Variants in KHDRBS3 observed in about 807,000 individuals in gnomAD.
The protein encoded by KHDRBS3 is KH RNA binding domain containing, signal transduction associated 3.
In KHDRBS3, 23 loss-of-function variants were observed where a neutral mutation model predicts 45.6. That is an observed-to-expected ratio of 0.50 (90% confidence interval 0.36 to 0.72). The LOEUF is 0.72. Ranked by LOEUF, KHDRBS3 falls within the 30% of genes least tolerant of loss-of-function variation. KHDRBS3 has a pLI of 0.00. For missense variants in KHDRBS3, 352 were observed against 424.8 expected (o/e 0.83, Z 1.51); for synonymous variants, 162 against 156.5 (o/e 1.04, Z -0.26).
chr8:135,621,707 A>C (rs1304556217), intron 7 of KHDRBS3, among the ~76,000 whole-genome samples: 8 of 150,058 alleles, frequency 5.3e-5, no homozygotes, highest in African/African-American at 7.3e-5. Context: ...AAGAGCACAA[A>C]AAAAAAAAAA....
intron 6 of KHDRBS3, among the ~76,000 whole-genome samples, chr8:135,606,495 A>C (rs774863423): frequency 2.0e-5 from 3 of 152,122 alleles, no homozygotes; most frequent in Non-Finnish European, 4.4e-5. Flanking sequence ...GTTCTCTAGG[A>C]ATGGCGTTTT....
chr8:135,480,622 GA>G, intron 1 of KHDRBS3, among the ~76,000 whole-genome samples: 1 of 151,552 alleles, frequency 6.6e-6, no homozygotes, highest in Admixed American at 6.6e-5. Context: ...GCTTATTATA[GA>G]AAAAAAGTGG....
At chr8:135,475,014 G>A (rs572189636) in intron 1 of KHDRBS3, among the ~76,000 whole-genome samples, 13 of 152,246 alleles carry the variant, frequency 8.5e-5, no homozygotes, top group East Asian at 3.9e-4. Flanking sequence ...GAATGTTTTC[G>A]CTCTGCCATT....
intron 7 of KHDRBS3, among the ~76,000 whole-genome samples, chr8:135,608,180 G>A (rs1829551491): frequency 6.6e-6 from 1 of 152,114 alleles, no homozygotes. Flanking sequence ...TGAAGAAAAG[G>A]AGCACAAAAT....
intron 1 of KHDRBS3, among the ~76,000 whole-genome samples, chr8:135,518,177 T>C (rs1035312662): frequency 9.9e-5 from 15 of 151,912 alleles, no homozygotes; most frequent in African/African-American, 3.4e-4. Flanking sequence ...TTTTTTGTTG[T>C]TGTTGTTGTT....
chr8:135,466,103 G>A (rs1821684317), intron 1 of KHDRBS3, among the ~76,000 whole-genome samples: 1 of 152,142 alleles, frequency 6.6e-6, no homozygotes, highest in Admixed American at 6.5e-5. Context: ...AGCTATTTCT[G>A]AACTGAGTCT....
At chr8:135,496,731 G>A (rs1368246353) in intron 1 of KHDRBS3, among the ~76,000 whole-genome samples, 3 of 152,188 alleles carry the variant, frequency 2.0e-5, no homozygotes, top group African/African-American at 7.2e-5. Context: ...GTTTAAAACA[G>A]TGTGGTGTTA....
intron 1 of KHDRBS3, among the ~76,000 whole-genome samples, chr8:135,474,489 A>C (rs1393682850): frequency 6.6e-6 from 1 of 152,202 alleles, no homozygotes; most frequent in Non-Finnish European, 1.5e-5. Context: ...GCTATGCGTT[A>C]TCTCTTATTT....
chr8:135,487,411 C>A (rs754709765), intron 1 of KHDRBS3, among the ~76,000 whole-genome samples: 1 of 152,034 alleles, frequency 6.6e-6, no homozygotes, highest in African/African-American at 2.4e-5. Context: ...TATTAAATAC[C>A]TACTATAGCA....
chr8:135,605,007 A>T (rs1829393774), intron 6 of KHDRBS3, among the ~76,000 whole-genome samples: 1 of 151,530 alleles, frequency 6.6e-6, no homozygotes, highest in South Asian at 2.1e-4. Flanking sequence ...ATCAGCTGCT[A>T]ATATTATAAA....
chr8:135,500,320 A>G (rs916807032), intron 1 of KHDRBS3, among the ~76,000 whole-genome samples: 1 of 152,036 alleles, frequency 6.6e-6, no homozygotes, highest in African/African-American at 2.4e-5. Context: ...ACTGTGCTTC[A>G]TATTGTGTCT....
chr8:135,619,378 A>G (rs953147209), intron 7 of KHDRBS3, among the ~76,000 whole-genome samples: 1 of 152,150 alleles, frequency 6.6e-6, no homozygotes, highest in Admixed American at 6.5e-5. Flanking sequence ...TAAAAAATAC[A>G]TGTAGGTATA....
chr8:135,470,199 A>T (rs951925241), intron 1 of KHDRBS3, among the ~76,000 whole-genome samples: 2 of 152,156 alleles, frequency 1.3e-5, no homozygotes, highest in Non-Finnish European at 2.9e-5. Context: ...TCTGTGGAGC[A>T]TCCTGGCGTG....
rs1205832079 is a variant in KHDRBS3, at chr8:135,483,078, TC to T, written c.88+25125del. On this transcript the variant is annotated intron_variant, in intron 1 of 8. Transcript: ENST00000355849. ...TTTTGTTTCTCAGCATTTCTAGACA[TC>T]AAATATCTTTCTCCACCCCCCAACC... 2.0e-5 allele frequency among the ~76,000 whole-genome samples: 3 copies of T among 152,164 alleles called. No homozygotes were observed. The East Asian group carries it at 5.8e-4, about 29-fold the overall frequency.
At chr8:135,545,748 G>A (rs927480635) in intron 3 of KHDRBS3, among the ~76,000 whole-genome samples, 4 of 152,194 alleles carry the variant, frequency 2.6e-5, no homozygotes, top group East Asian at 3.9e-4. Flanking sequence ...CCCATACTGC[G>A]CTGTAGCCTC....
At chr8:135,512,270 T>TA (rs760218245) in intron 1 of KHDRBS3, among the ~76,000 whole-genome samples, 9 of 152,348 alleles carry the variant, frequency 5.9e-5, no homozygotes, top group South Asian at 2.1e-4. Flanking sequence ...ATATTTCTTT[T>TA]AAAAACAATT....
chr8:135,519,414 C>T (rs1421063107), intron 1 of KHDRBS3, among the ~76,000 whole-genome samples: 1 of 152,132 alleles, frequency 6.6e-6, no homozygotes, highest in Non-Finnish European at 1.5e-5. Flanking sequence ...TCCGGCTACC[C>T]AGATTTCTGC....
intron 1 of KHDRBS3, among the ~76,000 whole-genome samples, chr8:135,492,873 G>A (rs763132955): frequency 6.6e-5 from 10 of 152,098 alleles, no homozygotes; most frequent in Non-Finnish European, 1.3e-4. Flanking sequence ...CTGTGCTTTT[G>A]ATAGGGATTG....
At chr8:135,577,765 A>G (rs1035309208) in intron 5 of KHDRBS3, among the ~76,000 whole-genome samples, 8 of 152,194 alleles carry the variant, frequency 5.3e-5, no homozygotes, top group Non-Finnish European at 8.8e-5. Context: ...ACCTAAGAAT[A>G]CAACTGCTAG....
Sources: allele counts gnomAD v4.1 joint callset (sites outside exome capture counted in the v4.1 genomes callset), GRCh38; gene constraint gnomAD v4.1.1; transcripts MANE v1.5; gene names NCBI Gene and HGNC (gene_info 2026-07-23, HGNC 2026-07-21).